The following ABCA13 variants were observed in gnomAD, a reference collection of about 807,000 sequenced individuals.
ABCA13 encodes the protein ATP-binding cassette sub-family A member 13.
Under a neutral mutation model 478.7 loss-of-function variants are expected in ABCA13, and 476 were observed. The observed-to-expected ratio is 0.99, with a 90% CI of 0.92 to 1.07. The LOEUF (loss-of-function observed/expected upper bound fraction) is 1.07, where lower values mean the gene tolerates loss of function less well. Among genes scored for constraint, ABCA13 ranks in the 50% least tolerant of loss-of-function variants. The pLI, the probability that ABCA13 is intolerant of heterozygous loss-of-function variation, is 0.00. For synonymous variants in ABCA13, 2,252 were observed against 2,158.9 expected (o/e 1.04, Z -1.20); for missense variants, 6,060 against 5,910.6 (o/e 1.03, Z -0.83).
intron 58 of ABCA13, among the ~76,000 whole-genome samples, chr7:48,599,231 T>A (rs1273484074): frequency 6.6e-6 from 1 of 152,044 alleles, no homozygotes; most frequent in Non-Finnish European, 1.5e-5. Context: ...AATTTTCAGA[T>A]ACTGGGAGAT....
At chr7:48,437,038 A>G (rs543575491) in intron 42 of ABCA13, among the ~76,000 whole-genome samples, 1 of 152,088 alleles carries the variant, frequency 6.6e-6, no homozygotes, top group East Asian at 1.9e-4. Flanking sequence ...TACGTACAAT[A>G]GTTCTATAGT....
At chr7:48,511,916 G>T (rs1425455765) in intron 51 of ABCA13, among the ~76,000 whole-genome samples, 1 of 152,122 alleles carries the variant, frequency 6.6e-6, no homozygotes, top group African/African-American at 2.4e-5. Flanking sequence ...TACAAATGAA[G>T]TGATTTTTAC....
At chr7:48,443,496 T>A (rs532289665) in intron 42 of ABCA13, among the ~76,000 whole-genome samples, 1 of 152,342 alleles carries the variant, frequency 6.6e-6, no homozygotes, top group Admixed American at 6.5e-5. Context: ...TGAGTAGTTA[T>A]TTACTGTGTC....
At chr7:48,559,472 G>A (rs1230202004) in intron 55 of ABCA13, among the ~76,000 whole-genome samples, 3 of 152,084 alleles carry the variant, frequency 2.0e-5, no homozygotes, top group African/African-American at 7.2e-5. Context: ...CAAGAGCCTA[G>A]GCTTGGACTC....
chr7:48,211,278 G>A (rs1329008274), intron 3 of ABCA13, among the ~76,000 whole-genome samples: 1 of 152,188 alleles, frequency 6.6e-6, no homozygotes, highest in African/African-American at 2.4e-5. Context: ...GAATTCAAAG[G>A]GGAATAAATG....
chr7:48,546,492 T>C (rs1395833982), intron 55 of ABCA13, among the ~76,000 whole-genome samples: 1 of 151,810 alleles, frequency 6.6e-6, no homozygotes, highest in African/African-American at 2.4e-5. Flanking sequence ...ATCCTTCCTG[T>C]ACTTTCCAAA....
chr7:48,347,825 G>A (rs1219236797), intron 29 of ABCA13, among the ~76,000 whole-genome samples: 1 of 152,220 alleles, frequency 6.6e-6, no homozygotes, highest in African/African-American at 2.4e-5. Context: ...ATTAATAACC[G>A]TTATACTAGG....
chr7:48,216,230 A>G (rs1562797686), intron 3 of ABCA13, among the ~76,000 whole-genome samples: 1 of 152,170 alleles, frequency 6.6e-6, no homozygotes, highest in Non-Finnish European at 1.5e-5. Context: ...GAAAGCTTCA[A>G]TTACTCCACA....
intron 43 of ABCA13, among the ~76,000 whole-genome samples, chr7:48,466,655 G>A (rs2130158211): frequency 6.6e-6 from 1 of 152,274 alleles, no homozygotes; most frequent in African/African-American, 2.4e-5. Context: ...ATGTAAATAT[G>A]TGAAAAATGG....
rs1276614533 is a variant in ABCA13, at chr7:48,272,292, T to C, written c.2626T>C (p.Leu876=). 1 of 1,613,662 alleles carries C rather than the reference T, an allele frequency of 6.2e-7. No homozygotes were observed. Among genetic ancestry groups the C allele is most frequent in the East Asian group, 2.2e-5 (1 of 44,880 alleles). The part of the protein sequence containing the change: ...ILSTSFNFSQ[L]FHSDWPKSPA... ...GAGTACAAGTTTTAACTTTTCCCAG[T>C]TGTTCCATTCAGATTGGCCTAAATC... Residue 876 remains leucine (L), a synonymous_variant, in exon 17 of 62, where the codon TTG becomes CTG. Coordinates refer to ENST00000435803, the MANE Select transcript of ABCA13 (RefSeq NM_152701.5).
intron 52 of ABCA13, among the ~76,000 whole-genome samples, chr7:48,519,644 A>G (rs1463446508): frequency 1.3e-5 from 2 of 152,200 alleles, no homozygotes; most frequent in Non-Finnish European, 2.9e-5. Context: ...ATTTTCACAT[A>G]ATCCTAAATC....
At chr7:48,460,288 G>T (rs1826110238) in intron 43 of ABCA13, among the ~76,000 whole-genome samples, 1 of 152,206 alleles carries the variant, frequency 6.6e-6, no homozygotes, top group African/African-American at 2.4e-5. Flanking sequence ...TAACAGAAAT[G>T]TATTTTCTCA....
At position 48,524,454 on chromosome 7, in the gene ABCA13, T is replaced by C; in HGVS notation, c.14244+14T>C. On this transcript the variant is annotated intron_variant, in intron 54 of 61. Transcript: ENST00000435803. ...CCAAAAGGAGAGGTAATGAAGCTTCTATTTTTAATCTTCTTCTGTTGTGAA... is the reference window on the plus strand; with the variant it reads ...CCAAAAGGAGAGGTAATGAAGCTTCCATTTTTAATCTTCTTCTGTTGTGAA... 1.9e-6 allele frequency: 3 copies of C among 1,594,684 alleles called. No individual in the cohort carries two copies. Among genetic ancestry groups the C allele is most frequent in the Non-Finnish European group, 2.6e-6 (3 of 1,172,762 alleles).
At chr7:48,425,116 G>A (rs1821230045) in intron 41 of ABCA13, among the ~76,000 whole-genome samples, 1 of 152,100 alleles carries the variant, frequency 6.6e-6, no homozygotes, top group Non-Finnish European at 1.5e-5. Context: ...AGATTATTGA[G>A]GGCAAAAACT....
intron 15 of ABCA13, among the ~76,000 whole-genome samples, chr7:48,267,176 A>C (rs375422240): frequency 1.3e-5 from 2 of 152,060 alleles, no homozygotes; most frequent in African/African-American, 4.8e-5. Context: ...ATTTTTTTAT[A>C]AACAGCAATT....
chr7:48,616,887 A>G (rs894317303), intron 59 of ABCA13, among the ~76,000 whole-genome samples: 4 of 152,068 alleles, frequency 2.6e-5, no homozygotes, highest in Admixed American at 2.6e-4. Context: ...AATTTTAAAA[A>G]ATTATATCCA....
chr7:48,337,344 C>T (rs561582916), intron 28 of ABCA13, among the ~76,000 whole-genome samples: 1 of 152,260 alleles, frequency 6.6e-6, no homozygotes, highest in Admixed American at 6.5e-5. Flanking sequence ...TAATAACTAC[C>T]CTGCACATTG....
Position 48,233,954 on chromosome 7 carries a change from A to T in ABCA13, c.764-64A>T. ...GTGAAAAAAGGTATTTTTTTTCTGG[A>T]TTACATTAAACATATCAAAATATTC... On this transcript the variant is annotated intron_variant, in intron 7 of 61. Coordinates refer to ENST00000435803, the MANE Select transcript of ABCA13 (RefSeq NM_152701.5). 5 of 1,566,142 alleles carry T rather than the reference A, an allele frequency of 3.2e-6. No individual in the cohort carries two copies. The Admixed American group carries it at 7.5e-5, about 23-fold the overall frequency.
intron 59 of ABCA13, among the ~76,000 whole-genome samples, chr7:48,622,884 A>G (rs1228337599): frequency 6.6e-6 from 1 of 152,168 alleles, no homozygotes; most frequent in Non-Finnish European, 1.5e-5. Flanking sequence ...CTTTTCCAGG[A>G]TTACCATCTA....
Sources: gnomAD v4.1 joint callset for allele counts (sites outside exome capture counted in the v4.1 genomes callset) on GRCh38, gnomAD v4.1.1 for gene constraint, MANE v1.5 for transcripts, NCBI Gene and HGNC (gene_info 2026-07-23, HGNC 2026-07-21) for gene names.